Variants in NTNG2 observed in about 807,000 individuals in gnomAD.
NTNG2 encodes the protein netrin-G2.
NTNG2 carries 15 observed loss-of-function variants against 47.6 expected under a neutral mutation model. That is an observed-to-expected ratio of 0.32 (90% CI 0.21 to 0.49). The LOEUF (loss-of-function observed/expected upper bound fraction) is 0.49. NTNG2 is among the 20% of genes least tolerant of loss of function. The pLI is 0.99. For synonymous variants in NTNG2, 307 were observed against 324.6 expected, an observed-to-expected ratio of 0.95 and a Z score of 0.58; for missense variants, 578 against 764.6, an observed-to-expected ratio of 0.76 and a Z score of 2.88.
At chr9:132,179,193 C>T (rs916121781) in intron 2 of NTNG2, among the ~76,000 whole-genome samples, 1 of 152,236 alleles carries the variant, frequency 6.6e-6, no homozygotes, top group Non-Finnish European at 1.5e-5. Context: ...TGCCCTGGAT[C>T]TGACTTCACG....
At chr9:132,196,852 C>T (rs1478758670) in intron 2 of NTNG2, among the ~76,000 whole-genome samples, 1 of 152,234 alleles carries the variant, frequency 6.6e-6, no homozygotes, top group Admixed American at 6.5e-5. Context: ...AAGTTCCTGC[C>T]TCCCGTACTT....
Position 132,162,758 on chromosome 9 carries a change from T to C in NTNG2, c.-484+519T>C, listed in dbSNP as rs1376207122. On this transcript the variant is annotated intron_variant, in intron 1 of 7. Transcript: ENST00000393229. The surrounding 1 kb of genome is among the most constrained non-coding windows in gnomAD (Gnocchi z 4.6). ...CGTGCCCTCCCATCTCTCTGCAAAC[T>C]GGGAGCCTGTGAGTTGCACAGAGAA... Among the ~76,000 whole-genome samples, 1 of 151,678 alleles carries C rather than the reference T, an allele frequency of 6.6e-6. No homozygotes were observed. The highest frequency in any genetic ancestry group is 1.5e-5 in the Non-Finnish European group (1 of 67,910).
rs993589676 is a variant in NTNG2 at position 132,218,189 on chromosome 9, C to T, written c.858-8660C>T. Among the ~76,000 whole-genome samples, 2 of 152,246 alleles carry T rather than the reference C, an allele frequency of 1.3e-5. No individual in the cohort carries two copies. The highest frequency in any genetic ancestry group is 2.4e-5 in the African/African-American group (1 of 41,462). The stretch of plus-strand genomic sequence containing the variant: ...CCCGGCTCCTGCCACACAGGCCACC[C>T]GGGAGTGCAGACACTAAGTGTGGCT... On this transcript the variant is annotated intron_variant, in intron 3 of 7. Coordinates refer to ENST00000393229, the MANE Select transcript of NTNG2 (RefSeq NM_032536.4). The surrounding 1 kb of genome is among the most constrained non-coding windows in gnomAD (Gnocchi z 5.4).
chr9:132,172,799 G>A (rs957155130), intron 2 of NTNG2, among the ~76,000 whole-genome samples: 3 of 138,676 alleles, frequency 2.2e-5, no homozygotes, highest in Admixed American at 8.3e-5. Context: ...GCGCAATCTC[G>A]GCTCGCTGCA....
intron 2 of NTNG2, among the ~76,000 whole-genome samples, chr9:132,193,536 A>G (rs1030251034): frequency 6.6e-6 from 1 of 152,188 alleles, no homozygotes; most frequent in African/African-American, 2.4e-5. Flanking sequence ...GCACAGCTTC[A>G]GTGCTGGGTT....
intron 2 of NTNG2, among the ~76,000 whole-genome samples, chr9:132,186,725 A>G (rs1837413858): frequency 6.6e-6 from 1 of 152,262 alleles, no homozygotes; most frequent in South Asian, 2.1e-4. Flanking sequence ...CTGCTGGAAC[A>G]GCATCCCCAA....
intron 3 of NTNG2, among the ~76,000 whole-genome samples, chr9:132,220,463 T>TC: frequency 9.3e-6 from 1 of 107,348 alleles, no homozygotes; most frequent in African/African-American, 2.7e-5. Flanking sequence ...TCCTTCTTCT[T>TC]TTTTTTTTTT....
rs1355210193 is a variant in NTNG2 at position 132,162,960 on chromosome 9, T to A, written c.-484+721T>A. ...AAGAGAGGACCGCGGGCTCGCGGGG[T>A]CCGCCCGCTCCGGAGTAAGTTGGCC... On this transcript the variant is annotated intron_variant, in intron 1 of 7. Transcript: ENST00000393229. The surrounding 1 kb of genome is among the most constrained non-coding windows in gnomAD (Gnocchi z 4.6). 9.9e-5 allele frequency among the ~76,000 whole-genome samples: 15 copies of A among 151,578 alleles called. No individual in the cohort carries two copies. Among genetic ancestry groups the A allele is most frequent in the Admixed American group, 9.8e-4 (15 of 15,256 alleles).
Position 132,241,943 on chromosome 9 carries a change from C to G in NTNG2, c.1425C>G (p.Cys475Trp), listed in dbSNP as rs774924316. 2.4e-5 allele frequency: 37 copies of G among 1,560,148 alleles called. No individual in the cohort carries two copies. The highest frequency in any genetic ancestry group is 6.0e-6 in the Non-Finnish European group (7 of 1,161,316). Residue 475 changes from cysteine to tryptophan, a missense_variant, in exon 8 of 8, where the codon TGC becomes TGG. Physicochemically the swap from Cys to Trp is radical, Grantham distance 215. Transcript: ENST00000393229. ...NGGTCLQNQR[C>W]ACPRGYTGVR... ...GCACCTGCCTGCAGAACCAGCGCTG[C>G]GCCTGCCCGCGCGGCTACACCGGCG...
At chr9:132,201,563 G>A (rs960624377) in intron 3 of NTNG2, among the ~76,000 whole-genome samples, 2 of 152,188 alleles carry the variant, frequency 1.3e-5, no homozygotes, top group Non-Finnish European at 2.9e-5. Context: ...GTTCCTGAGT[G>A]GGCACCAGGG....
chr9:132,243,588 G>A lies in NTNG2; in HGVS notation c.*1477G>A, dbSNP rs1056730017. 1 of 152,352 alleles carries A rather than the reference G, an allele frequency of 6.6e-6. No homozygotes were observed. The highest frequency in any genetic ancestry group is 1.5e-5 in the Non-Finnish European group (1 of 68,154). The allele number at this position is 152,352 out of a possible 1,614,324, so 9.4% of individuals were successfully genotyped here. Reference sequence around the variant, plus strand: ...TATGTTTATTTCAGAGCAGTGCCGGGGGTCCGGTCCTGGTTGCTAACTGCT... The same window carrying A: ...TATGTTTATTTCAGAGCAGTGCCGGAGGTCCGGTCCTGGTTGCTAACTGCT... On this transcript the variant is annotated 3_prime_UTR_variant, in exon 8 of 8. Coordinates refer to ENST00000393229, the MANE Select transcript of NTNG2 (RefSeq NM_032536.4).
At chr9:132,235,178 G>A (rs927264204) in intron 5 of NTNG2, among the ~76,000 whole-genome samples, 2 of 152,216 alleles carry the variant, frequency 1.3e-5, no homozygotes, top group Admixed American at 1.3e-4. Flanking sequence ...TCCGGTCCCT[G>A]GATTGCGGCT....
chr9:132,164,675 C>T (rs1261226406), intron 1 of NTNG2, among the ~76,000 whole-genome samples: 1 of 152,250 alleles, frequency 6.6e-6, no homozygotes, highest in East Asian at 1.9e-4. Flanking sequence ...GCAAGGAGCG[C>T]CTTCAAGGCC....
chr9:132,167,147 G>C, intron 2 of NTNG2, 103 bp downstream of exon 2: 2 of 1,284,308 alleles, frequency 1.6e-6, no homozygotes, highest in Non-Finnish European at 2.2e-6. Flanking sequence ...GAGATGCAAG[G>C]CTGACTTTCC....
chr9:132,167,129 G>A lies in NTNG2; in HGVS notation c.213+85G>A, dbSNP rs550542070. 8 of 1,436,658 alleles carry A rather than the reference G, an allele frequency of 5.6e-6. No homozygotes were observed. In the African/African-American group the frequency reaches 8.4e-5, roughly 15 times the overall value. The allele number at this position is 1,436,658 out of a possible 1,614,324, so 89.0% of individuals were successfully genotyped here. The stretch of plus-strand genomic sequence containing the variant: ...ATCCTTGGGGTGGACGAGCAGAGCT[G>A]GAGGACTGAGATGCAAGGCTGACTT... On this transcript the variant is annotated intron_variant, in intron 2 of 7. Transcript: ENST00000393229.
chr9:132,189,543 C>T (rs911427428), intron 2 of NTNG2, among the ~76,000 whole-genome samples: 2 of 152,146 alleles, frequency 1.3e-5, no homozygotes, highest in African/African-American at 4.8e-5. Context: ...GAGGGCACCT[C>T]TCGAATGAGC....
intron 3 of NTNG2, among the ~76,000 whole-genome samples, chr9:132,222,864 G>A (rs1339922359): frequency 6.6e-6 from 1 of 152,178 alleles, no homozygotes; most frequent in Non-Finnish European, 1.5e-5. Flanking sequence ...CCAGCACTTT[G>A]GGAGGCTGAG....
chr9:132,179,857 C>T (rs1451383904), intron 2 of NTNG2, among the ~76,000 whole-genome samples: 1 of 152,114 alleles, frequency 6.6e-6, no homozygotes, highest in Non-Finnish European at 1.5e-5. Flanking sequence ...TTCGAATGGT[C>T]GTTCTGAAAT....
Position 132,169,943 on chromosome 9 carries a change from C to T in NTNG2, c.213+2899C>T, listed in dbSNP as rs545791009. 1.9e-3 allele frequency among the ~76,000 whole-genome samples: 288 copies of T among 152,308 alleles called. 1 individual carries two copies. Among genetic ancestry groups the T allele is most frequent in the African/African-American group, 6.7e-3 (279 of 41,568 alleles). ...AAGATGCAGGCTGGGGGAGCTTCCT[C>T]GCCTGCAGCCCCAGCAGCTGTTGTT... On this transcript the variant is annotated intron_variant, in intron 2 of 7. Coordinates refer to ENST00000393229, the MANE Select transcript of NTNG2 (RefSeq NM_032536.4).
Sources: gnomAD v4.1 joint callset for allele counts (sites outside exome capture counted in the v4.1 genomes callset) on GRCh38, gnomAD v4.1.1 for gene constraint, Gnocchi (gnomAD v3.1) non-coding constraint, MANE v1.5 for transcripts, NCBI Gene and HGNC (gene_info 2026-07-23, HGNC 2026-07-21) for gene names.